TMEM132D: variants seen among roughly 807,000 people sequenced by gnomAD.
TMEM132D encodes transmembrane protein 132D.
Under a neutral mutation model 62.3 loss-of-function variants are expected in TMEM132D, and 21 were observed. That is an observed-to-expected ratio of 0.34 (90% confidence interval 0.24 to 0.49). The LOEUF is 0.49. Ranked by LOEUF, TMEM132D falls within the 20% of genes least tolerant of loss-of-function variation. The pLI is 0.99. For synonymous variants in TMEM132D, 621 were observed against 575.6 expected, an observed-to-expected ratio of 1.08 and a Z score of -1.13; for missense variants, 1,346 against 1,402.8, an observed-to-expected ratio of 0.96 and a Z score of 0.65.
At chr12:129,152,432 T>G (rs1877101755) in intron 5 of TMEM132D, among the ~76,000 whole-genome samples, 1 of 152,224 alleles carries the variant, frequency 6.6e-6, no homozygotes, top group Non-Finnish European at 1.5e-5. Flanking sequence ...GTTATCTCAC[T>G]ACTGCTCATC....
In TMEM132D at chr12:129,073,906, T is replaced by C. The variant is rs765164006; in HGVS notation, c.3269A>G (p.Asn1090Ser). 23 of 1,560,556 alleles carry C rather than the reference T, an allele frequency of 1.5e-5. No homozygotes were observed. The highest frequency in any genetic ancestry group is 8.7e-6 in the Non-Finnish European group (10 of 1,155,454). ...ATTTTCATGTAACCTCTCCATGTAGTTGTGCAGCTCTTTGCAGTCCCCAGG... is the reference window on the plus strand; with the variant it reads ...ATTTTCATGTAACCTCTCCATGTAGCTGTGCAGCTCTTTGCAGTCCCCAGG... The part of the protein sequence containing the change: ...LDPGDCKELH[N>S]YMERLHENV The change falls in exon 9 of 9, where the codon AAC (asparagine) becomes AGC (serine). Residue 1090 changes from asparagine to serine, a missense_variant. Asn to Ser is a conservative substitution (Grantham distance 46, BLOSUM62 1). Transcript: ENST00000422113.
intron 1 of TMEM132D, among the ~76,000 whole-genome samples, chr12:129,816,227 G>A (rs1448289451): frequency 6.6e-6 from 1 of 152,156 alleles, no homozygotes; most frequent in African/African-American, 2.4e-5. Context: ...TGTAGAAAAT[G>A]ATGTCAGTCA....
At chr12:129,632,592 G>A (rs754525582) in intron 2 of TMEM132D, among the ~76,000 whole-genome samples, 2 of 152,188 alleles carry the variant, frequency 1.3e-5, no homozygotes, top group African/African-American at 2.4e-5. Flanking sequence ...CTGGCCTGCA[G>A]ACATGGCTGT....
intron 3 of TMEM132D, among the ~76,000 whole-genome samples, chr12:129,365,893 C>A (rs2135677190): frequency 6.6e-6 from 1 of 152,138 alleles, no homozygotes. Context: ...GACAGGGAAT[C>A]CAGGCAGCGC....
At chr12:129,832,573 T>C (rs1270689006) in intron 1 of TMEM132D, among the ~76,000 whole-genome samples, 1 of 152,112 alleles carries the variant, frequency 6.6e-6, no homozygotes, top group Non-Finnish European at 1.5e-5. Flanking sequence ...AACAAGATGA[T>C]GCATATCTGA....
rs550500480 is a variant in TMEM132D at position 129,373,494 on chromosome 12, C to T, written c.1116-35677G>A. Among the ~76,000 whole-genome samples, 11 of 151,912 alleles carry T rather than the reference C, an allele frequency of 7.2e-5. No individual in the cohort carries two copies. In the East Asian group the frequency reaches 9.7e-4, roughly 13 times the overall value. ...AAAAATACAAAAAATTAGCCAGGCT[C>T]GGTGGCGGGCGCCTGTAGTCCCAGC... On this transcript the variant is annotated intron_variant, in intron 3 of 8. Coordinates refer to ENST00000422113, the MANE Select transcript of TMEM132D (RefSeq NM_133448.3).
chr12:129,693,567 C>T (rs1331197322), intron 2 of TMEM132D, among the ~76,000 whole-genome samples: 5 of 152,038 alleles, frequency 3.3e-5, no homozygotes, highest in Non-Finnish European at 5.9e-5. Context: ...AGCCTCAGCG[C>T]GGTGCTGGTG....
intron 6 of TMEM132D, 27 bp downstream of exon 6, chr12:129,084,470 G>A (rs1874546755): frequency 6.4e-7 from 1 of 1,563,310 alleles, no homozygotes; most frequent in Non-Finnish European, 8.7e-7. Flanking sequence ...TCCTTAGCCT[G>A]CCATGGAGTT....
intron 1 of TMEM132D, among the ~76,000 whole-genome samples, chr12:129,870,701 G>C (rs1414627625): frequency 6.6e-6 from 1 of 152,172 alleles, no homozygotes; most frequent in Non-Finnish European, 1.5e-5. Flanking sequence ...TGAACCTAAA[G>C]AGAGGTTGTA....
At chr12:129,829,270 G>A (rs1872758173) in intron 1 of TMEM132D, among the ~76,000 whole-genome samples, 1 of 152,112 alleles carries the variant, frequency 6.6e-6, no homozygotes, top group Non-Finnish European at 1.5e-5. Context: ...AGAGTTCAGT[G>A]GCTTTTCTGA....
chr12:129,327,921 C>A (rs1028932383), intron 4 of TMEM132D, among the ~76,000 whole-genome samples: 2 of 152,206 alleles, frequency 1.3e-5, no homozygotes, highest in Non-Finnish European at 2.9e-5. Flanking sequence ...CCAGCTCCCA[C>A]CTACCCTGAA....
chr12:129,892,606 T>A (rs1874963732), intron 1 of TMEM132D, among the ~76,000 whole-genome samples: 1 of 152,160 alleles, frequency 6.6e-6, no homozygotes, highest in Admixed American at 6.5e-5. Context: ...ACTGTAAAAT[T>A]TGGATTTTTT....
intron 1 of TMEM132D, among the ~76,000 whole-genome samples, chr12:129,751,840 G>A (rs1870009744): frequency 6.6e-6 from 1 of 152,162 alleles, no homozygotes; most frequent in East Asian, 1.9e-4. Flanking sequence ...TTTCTAAATA[G>A]CGCTTTTGGA....
chr12:129,727,751 G>A (rs958089752), intron 1 of TMEM132D, among the ~76,000 whole-genome samples: 1 of 152,100 alleles, frequency 6.6e-6, no homozygotes, highest in African/African-American at 2.4e-5. Flanking sequence ...TGTGGAATGT[G>A]AAGTGTGGGT....
chr12:129,104,795 CTCA>C (rs1427143487), intron 5 of TMEM132D, among the ~76,000 whole-genome samples: 6 of 148,282 alleles, frequency 4.0e-5, no homozygotes, highest in African/African-American at 1.5e-4. Flanking sequence ...TGAAAAAATG[CTCA>C]TCATCACTGG....
At chr12:129,143,418 G>A (rs1157118005) in intron 5 of TMEM132D, among the ~76,000 whole-genome samples, 2 of 152,186 alleles carry the variant, frequency 1.3e-5, no homozygotes, top group Non-Finnish European at 2.9e-5. Flanking sequence ...TGACCAGGAA[G>A]CTCCCTGAGC....
intron 3 of TMEM132D, among the ~76,000 whole-genome samples, chr12:129,452,071 T>C (rs1873307648): frequency 6.6e-6 from 1 of 152,172 alleles, no homozygotes; most frequent in Non-Finnish European, 1.5e-5. Context: ...TTTCTAAGCC[T>C]TGGTGAATTT....
Position 129,590,000 on chromosome 12 carries a change from G to A in TMEM132D, c.969-58795C>T, listed in dbSNP as rs530040360. Among the ~76,000 whole-genome samples the A allele has an allele frequency of 2.0e-5, 3 of 152,100 alleles. No individual in the cohort carries two copies. In the South Asian group the frequency reaches 6.2e-4, roughly 32 times the overall value. On this transcript the variant is annotated intron_variant, in intron 2 of 8. Transcript: ENST00000422113. ...ATCTTGTTTCTACCCTCTCAAATAT[G>A]TTCTATTATGTTCTCTTTTAGTTAC...
At chr12:129,726,013 GCAT>G (rs1300849759) in intron 1 of TMEM132D, among the ~76,000 whole-genome samples, 1 of 152,188 alleles carries the variant, frequency 6.6e-6, no homozygotes, top group Non-Finnish European at 1.5e-5. Context: ...TAGAGGATAT[GCAT>G]GTCACCAGTC....
Sources: gnomAD v4.1 joint callset for allele counts (sites outside exome capture counted in the v4.1 genomes callset) on GRCh38, gnomAD v4.1.1 for gene constraint, MANE v1.5 for transcripts, NCBI Gene and HGNC (gene_info 2026-07-23, HGNC 2026-07-21) for gene names.